Variants in DIP2C observed in about 807,000 individuals in gnomAD.
DIP2C encodes the protein disco-interacting protein 2 homolog C.
A neutral mutation model predicts 192.4 loss-of-function variants in DIP2C; 33 were observed. That is an observed-to-expected ratio of 0.17 (90% CI 0.13 to 0.23). The LOEUF (loss-of-function observed/expected upper bound fraction) is 0.23, where lower values mean the gene tolerates loss of function less well. DIP2C is among the 10% of genes least tolerant of loss of function. DIP2C has a pLI of 1.00. For missense variants in DIP2C, 1,537 were observed against 2,110.1 expected, an observed-to-expected ratio of 0.73 and a Z score of 5.32; for synonymous variants, 979 against 864.1, an observed-to-expected ratio of 1.13 and a Z score of -2.33.
chr10:566,752 C>T (rs12573464), intron 1 of DIP2C, among the ~76,000 whole-genome samples: 5,067 of 152,330 alleles, frequency 0.033, 170 homozygotes, highest in African/African-American at 0.081. Context: ...CCGTGGCCCA[C>T]GACTGCTCAA....
intron 29 of DIP2C, among the ~76,000 whole-genome samples, chr10:338,008 T>C (rs572052198): frequency 3.3e-5 from 5 of 152,242 alleles, no homozygotes; most frequent in African/African-American, 9.6e-5. Context: ...GCTGTGTGTG[T>C]GCTGTGGAGG....
chr10:534,077 C>CA lies in DIP2C; in HGVS notation c.86-47548dup, dbSNP rs1371709707. On this transcript the variant is annotated intron_variant, in intron 1 of 36. Transcript: ENST00000280886. ...CGCCCCCTTCTGCAGTGACGATGGT[C>CA]AACTGGGACGAGGAGCCCCTCCTGC... 2.6e-5 allele frequency among the ~76,000 whole-genome samples: 4 copies of CA among 152,274 alleles called. No homozygotes were observed. In the South Asian group the frequency reaches 8.3e-4, roughly 32 times the overall value.
intron 1 of DIP2C, among the ~76,000 whole-genome samples, chr10:548,372 G>C (rs1278420351): frequency 6.7e-6 from 1 of 149,506 alleles, no homozygotes; most frequent in Non-Finnish European, 1.5e-5. Context: ...CTCAGGAGCA[G>C]AAGACGGGAA....
chr10:575,885 C>A (rs1196607108), intron 1 of DIP2C, among the ~76,000 whole-genome samples: 1 of 152,204 alleles, frequency 6.6e-6, no homozygotes, highest in Non-Finnish European at 1.5e-5. Context: ...TCTGGTCTTA[C>A]CTGCGCCTCT....
chr10:526,530 CA>C (rs11298752), intron 1 of DIP2C, among the ~76,000 whole-genome samples: 91,576 of 138,664 alleles, frequency 0.66, 30,172 homozygotes, highest in East Asian at 0.91. Context: ...CCTACCCCAC[CA>C]AAAAAAAAAA....
Position 423,332 on chromosome 10 carries a change from T to C in DIP2C, c.395-299A>G, listed in dbSNP as rs117032048. Among the ~76,000 whole-genome samples, 486 of 152,244 alleles carry C rather than the reference T, an allele frequency of 3.2e-3. 2 individuals carry two copies. Among genetic ancestry groups the C allele is most frequent in the East Asian group, 0.013 (69 of 5,188 alleles). On this transcript the variant is annotated intron_variant, in intron 4 of 36. Transcript: ENST00000280886. ...CAGCAGTTTGGGAAGAAACCAAGTG[T>C]TTGCTTGTGTCACCCACAAAGTGAG...
chr10:326,009 C>T (rs192328102), intron 31 of DIP2C, among the ~76,000 whole-genome samples: 65 of 152,044 alleles, frequency 4.3e-4, no homozygotes, highest in African/African-American at 1.5e-3. Context: ...GGTGAAACCC[C>T]GTCTCCACAA....
chr10:288,764 C>A (rs1035528221), intron 32 of DIP2C, among the ~76,000 whole-genome samples: 2 of 152,224 alleles, frequency 1.3e-5, no homozygotes, highest in African/African-American at 4.8e-5. Context: ...GGGTCACCCA[C>A]GACTGTGTTG....
intron 1 of DIP2C, among the ~76,000 whole-genome samples, chr10:578,931 T>G (rs1191226838): frequency 6.6e-6 from 1 of 151,352 alleles, no homozygotes; most frequent in African/African-American, 2.4e-5. Context: ...ATAGGCACAC[T>G]GTAACATGTG....
At chr10:286,780 C>T (rs1206244758) in intron 33 of DIP2C, among the ~76,000 whole-genome samples, 1 of 152,162 alleles carries the variant, frequency 6.6e-6, no homozygotes, top group Non-Finnish European at 1.5e-5. Flanking sequence ...TATTACATCT[C>T]ACATCATGGC....
chr10:442,446 A>G (rs773930440), intron 3 of DIP2C, among the ~76,000 whole-genome samples: 7 of 152,144 alleles, frequency 4.6e-5, no homozygotes, highest in Admixed American at 1.3e-4. Flanking sequence ...ACTTGGGCTC[A>G]TGGCCAAAAA....
At chr10:440,276 T>C (rs1185720955) in intron 4 of DIP2C, among the ~76,000 whole-genome samples, 1 of 152,230 alleles carries the variant, frequency 6.6e-6, no homozygotes, top group East Asian at 1.9e-4. Flanking sequence ...TGGTCCGCTG[T>C]TCTTATAAAG....
chr10:348,775 A>G lies in DIP2C; in HGVS notation c.3110-13T>C. 1 of 1,612,102 alleles carries G rather than the reference A, an allele frequency of 6.2e-7. No individual in the cohort carries two copies. ...ATCAGGTCTATTCCTACACAAGGAG[A>G]GAAACATCATCATTGAAGCAGACCA... is the stretch of plus-strand genomic sequence containing the variant. On this transcript the variant is annotated splice_polypyrimidine_tract_variant and intron_variant, in intron 25 of 36. Coordinates refer to ENST00000280886, the MANE Select transcript of DIP2C (RefSeq NM_014974.3).
chr10:501,772 A>G (rs1172198472), intron 1 of DIP2C, among the ~76,000 whole-genome samples: 1 of 152,118 alleles, frequency 6.6e-6, no homozygotes, highest in Non-Finnish European at 1.5e-5. Context: ...TGCGTTACAC[A>G]CCGACCACAG....
At chr10:553,918 T>C (rs1204040676) in intron 1 of DIP2C, among the ~76,000 whole-genome samples, 1 of 150,968 alleles carries the variant, frequency 6.6e-6, no homozygotes, top group Non-Finnish European at 1.5e-5. Flanking sequence ...CGCTTGTAAC[T>C]GTAACAGTGG....
intron 1 of DIP2C, among the ~76,000 whole-genome samples, chr10:595,806 G>A (rs1391917175): frequency 6.6e-6 from 1 of 152,152 alleles, no homozygotes; most frequent in African/African-American, 2.4e-5. Context: ...ATGATCCTTC[G>A]AAGCTCAAGC....
intron 1 of DIP2C, among the ~76,000 whole-genome samples, chr10:519,835 C>G (rs550447346): frequency 6.6e-6 from 1 of 152,230 alleles, no homozygotes; most frequent in South Asian, 2.1e-4. Context: ...AGGCCTCCCC[C>G]CTGCTCCTCT....
intron 9 of DIP2C, among the ~76,000 whole-genome samples, chr10:408,613 G>A (rs908295357): frequency 7.9e-5 from 12 of 152,002 alleles, no homozygotes; most frequent in African/African-American, 2.2e-4. Context: ...CTAATCTTGG[G>A]GGCATCTAAA....
At chr10:555,120 T>C (rs1848777693) in intron 1 of DIP2C, among the ~76,000 whole-genome samples, 1 of 152,158 alleles carries the variant, frequency 6.6e-6, no homozygotes, top group African/African-American at 2.4e-5. Flanking sequence ...AATGCATGCC[T>C]ATAAAATGTA....
Sources: gnomAD v4.1 joint callset for allele counts (sites outside exome capture counted in the v4.1 genomes callset) on GRCh38, gnomAD v4.1.1 for gene constraint, MANE v1.5 for transcripts, NCBI Gene and HGNC (gene_info 2026-07-23, HGNC 2026-07-21) for gene names.